HECW2: variants seen among roughly 807,000 people sequenced by gnomAD.
The protein encoded by HECW2 is HECT, C2 and WW domain containing E3 ubiquitin protein ligase 2, also known as E3 ubiquitin-protein ligase HECW2.
Under a neutral mutation model 175.2 loss-of-function variants are expected in HECW2, and 61 were observed. That is an observed-to-expected ratio of 0.35 (90% CI 0.28 to 0.43). HECW2 has a LOEUF of 0.43. HECW2 is among the 20% of genes least tolerant of loss of function. HECW2 has a pLI of 1.00. For synonymous variants in HECW2, 671 were observed against 731.0 expected (o/e 0.92, Z 1.32); for missense variants, 1,524 against 2,000.5 (o/e 0.76, Z 4.54).
At chr2:196,535,861 G>A (rs1163082827) in intron 1 of HECW2, among the ~76,000 whole-genome samples, 3 of 152,098 alleles carry the variant, frequency 2.0e-5, no homozygotes, top group Non-Finnish European at 2.9e-5. Context: ...ATTTTGTTAT[G>A]ATACATTGCC....
At chr2:196,264,238 T>C (rs1261308133) in intron 17 of HECW2, 2 of 152,202 alleles carry the variant, frequency 1.3e-5, no homozygotes, top group Non-Finnish European at 1.5e-5. Flanking sequence ...AGTGGATTTA[T>C]TATTCTTTTG....
At chr2:196,544,400 G>A (rs1689337681) in intron 1 of HECW2, among the ~76,000 whole-genome samples, 1 of 152,194 alleles carries the variant, frequency 6.6e-6, no homozygotes, top group African/African-American at 2.4e-5. Flanking sequence ...AAAGGGAAAG[G>A]AAGGGGAGAG....
intron 2 of HECW2, among the ~76,000 whole-genome samples, chr2:196,431,305 G>A (rs76780285): frequency 0.032 from 4,835 of 152,184 alleles, 70 homozygotes; most frequent in Middle Eastern, 0.092. Flanking sequence ...GATTCATTGC[G>A]GTTGGAATTC....
intron 1 of HECW2, among the ~76,000 whole-genome samples, chr2:196,564,763 TACTTA>T (rs1446101317): frequency 3.3e-5 from 5 of 152,146 alleles, no homozygotes; most frequent in Admixed American, 6.5e-5. Context: ...TCATGCCTCC[TACTTA>T]ACTTATCCTT....
rs755414261 is a variant in HECW2, at chr2:196,517,522, T to TTGATTGATTGATTACTTGATTGA, written c.-36+75985_-36+75986insTCAATCAAGTAATCAATCAATCA. The stretch of plus-strand genomic sequence containing the variant: ...GATGGCTTTAATAAATCTTCAATAC[T>TTGATTGATTGATTACTTGATTGA]TGGTAATCTCCCATTTTAACAAAGA... On this transcript the variant is annotated intron_variant, in intron 1 of 28. Transcript: ENST00000644978. Among the ~76,000 whole-genome samples the TTGATTGATTGATTACTTGATTGA allele has an allele frequency of 4.5e-3, 691 of 152,318 alleles. 4 individuals carry two copies. The highest frequency in any genetic ancestry group is 0.032 in the South Asian group (156 of 4,826).
intron 1 of HECW2, among the ~76,000 whole-genome samples, chr2:196,485,836 A>G (rs949120359): frequency 6.6e-6 from 1 of 152,224 alleles, no homozygotes; most frequent in African/African-American, 2.4e-5. Context: ...AATGTGATCA[A>G]AAGTGTGAGG....
intron 1 of HECW2, among the ~76,000 whole-genome samples, chr2:196,581,952 G>T (rs945974945): frequency 6.6e-6 from 1 of 151,916 alleles, no homozygotes; most frequent in Non-Finnish European, 1.5e-5. Flanking sequence ...TGTAGTCCCA[G>T]CTACTCAGGA....
rs575605489 is a variant in HECW2, at chr2:196,284,011, T to C, written c.3001-5349A>G. On this transcript the variant is annotated intron_variant, in intron 14 of 28. Transcript: ENST00000644978. ...TTTTTCCCCACCTCTCTGCTTTTCA[T>C]ACATCATCTCCTTTTTTCCATTCTG... 1.6e-4 allele frequency among the ~76,000 whole-genome samples: 25 copies of C among 152,328 alleles called. No individual in the cohort carries two copies. In the South Asian group the frequency reaches 4.6e-3, roughly 28 times the overall value.
chr2:196,283,364 G>C (rs897860683), intron 14 of HECW2, among the ~76,000 whole-genome samples: 3 of 146,712 alleles, frequency 2.0e-5, no homozygotes, highest in African/African-American at 7.5e-5. Flanking sequence ...ACTTCTTTAT[G>C]TGAGAGAATA....
intron 1 of HECW2, among the ~76,000 whole-genome samples, chr2:196,474,395 G>A (rs1697335694): frequency 6.6e-6 from 1 of 152,092 alleles, no homozygotes; most frequent in African/African-American, 2.4e-5. Flanking sequence ...GGAGGTGGGT[G>A]GATACCACAA....
intron 2 of HECW2, among the ~76,000 whole-genome samples, chr2:196,404,748 C>G (rs1330705199): frequency 6.6e-6 from 1 of 151,902 alleles, no homozygotes; most frequent in Non-Finnish European, 1.5e-5. Context: ...CCTCCTTATC[C>G]TGCCAGATTC....
chr2:196,305,224 T>G (rs772965108), intron 13 of HECW2, among the ~76,000 whole-genome samples: 1 of 152,216 alleles, frequency 6.6e-6, no homozygotes, highest in Admixed American at 6.5e-5. Context: ...GCCTAGCACA[T>G]AATCATCAAC....
chr2:196,588,113 C>T (rs920391659), intron 1 of HECW2, among the ~76,000 whole-genome samples: 18 of 152,280 alleles, frequency 1.2e-4, no homozygotes, highest in African/African-American at 4.1e-4. Context: ...TCTTCCAAAG[C>T]ACTCATCTCC....
At chr2:196,255,798 C>T (rs1411252599) in intron 18 of HECW2, among the ~76,000 whole-genome samples, 3 of 152,156 alleles carry the variant, frequency 2.0e-5, no homozygotes, top group South Asian at 2.1e-4. Flanking sequence ...AAGGGCTGAG[C>T]GCTGTGGCTC....
intron 1 of HECW2, among the ~76,000 whole-genome samples, chr2:196,538,231 A>G (rs1347488021): frequency 6.6e-6 from 1 of 152,216 alleles, no homozygotes; most frequent in Non-Finnish European, 1.5e-5. Context: ...AAAGACAAAC[A>G]AGGAAGGTGA....
intron 3 of HECW2, among the ~76,000 whole-genome samples, chr2:196,335,092 G>C (rs1247014377): frequency 1.3e-5 from 2 of 152,158 alleles, no homozygotes; most frequent in African/African-American, 4.8e-5. Flanking sequence ...TCTAGTGACA[G>C]GATCTGTAAA....
intron 21 of HECW2, among the ~76,000 whole-genome samples, chr2:196,237,556 GTATA>G (rs768169895): frequency 6.6e-6 from 1 of 152,114 alleles, no homozygotes; most frequent in Non-Finnish European, 1.5e-5. Flanking sequence ...ATTCCATGGT[GTATA>G]TATATACCAT....
chr2:196,356,846 A>G (rs930020805), intron 2 of HECW2, among the ~76,000 whole-genome samples: 5 of 152,226 alleles, frequency 3.3e-5, no homozygotes, highest in African/African-American at 4.8e-5. Context: ...ATGTATAGGG[A>G]ATAACAGTGT....
chr2:196,262,394 T>A (rs746254716), intron 17 of HECW2, among the ~76,000 whole-genome samples: 1 of 152,186 alleles, frequency 6.6e-6, no homozygotes. Flanking sequence ...ATTAAGGTTA[T>A]ACTAATACAA....
Sources: gnomAD v4.1 joint callset for allele counts (sites outside exome capture counted in the v4.1 genomes callset) on GRCh38, gnomAD v4.1.1 for gene constraint, MANE v1.5 for transcripts, NCBI Gene and HGNC (gene_info 2026-07-23, HGNC 2026-07-21) for gene names.